Variants in INPP4B observed in about 807,000 individuals in gnomAD.
The protein encoded by INPP4B is inositol polyphosphate 4-phosphatase type II.
In INPP4B, 55 loss-of-function variants were observed where a neutral mutation model predicts 122.5. The observed-to-expected ratio is 0.45, with a 90% CI of 0.36 to 0.56. INPP4B has a LOEUF of 0.56. INPP4B is among the 20% of genes least tolerant of loss of function. The probability of loss-of-function intolerance (pLI) is 0.00; values close to 1 mark genes in which losing one functional copy is unlikely to be tolerated. For missense variants in INPP4B, 1,000 were observed against 1,097.7 expected, an observed-to-expected ratio of 0.91 and a Z score of 1.26; for synonymous variants, 403 against 388.7, an observed-to-expected ratio of 1.04 and a Z score of -0.43.
intron 14 of INPP4B, among the ~76,000 whole-genome samples, chr4:142,198,416 C>T (rs1406787545): frequency 6.6e-6 from 1 of 151,772 alleles, no homozygotes; most frequent in Non-Finnish European, 1.5e-5. Flanking sequence ...CTTTCTCATC[C>T]TGGTATCATT....
chr4:142,275,767 CTA>C (rs1390651716), intron 9 of INPP4B, among the ~76,000 whole-genome samples: 1 of 151,668 alleles, frequency 6.6e-6, no homozygotes, highest in African/African-American at 2.4e-5. Context: ...AGCTTAAACT[CTA>C]GGGTTTATTT....
chr4:142,405,923 G>A (rs780734100), intron 5 of INPP4B, among the ~76,000 whole-genome samples: 7 of 152,058 alleles, frequency 4.6e-5, no homozygotes, highest in Non-Finnish European at 8.8e-5. Context: ...AAGCCTGGAG[G>A]AGATGGGTTA....
intron 2 of INPP4B, among the ~76,000 whole-genome samples, chr4:142,617,056 T>A (rs972170506): frequency 6.6e-6 from 1 of 152,026 alleles, no homozygotes; most frequent in African/African-American, 2.4e-5. Context: ...TCTATCCTTG[T>A]AAGAAAACTA....
intron 6 of INPP4B, 46 bp downstream of exon 6, chr4:142,405,158 CAA>C (rs1491555926): frequency 8.5e-6 from 7 of 819,666 alleles, no homozygotes; most frequent in Middle Eastern, 3.2e-4. Context: ...AGCGAGCCAG[CAA>C]GAGAGAGAGA....
At chr4:142,545,638 T>C (rs1369163796) in intron 2 of INPP4B, among the ~76,000 whole-genome samples, 2 of 150,766 alleles carry the variant, frequency 1.3e-5, no homozygotes, top group East Asian at 3.9e-4. Context: ...TTTCACATAC[T>C]ATTTTATCTA....
At chr4:142,057,408 C>T (rs186644831) in intron 25 of INPP4B, among the ~76,000 whole-genome samples, 7 of 151,836 alleles carry the variant, frequency 4.6e-5, no homozygotes, top group African/African-American at 4.8e-5. Flanking sequence ...TGATGGAATG[C>T]GAGAATAAAG....
At chr4:142,428,679 AG>A (rs1043838726) in intron 5 of INPP4B, among the ~76,000 whole-genome samples, 2 of 152,082 alleles carry the variant, frequency 1.3e-5, no homozygotes, top group Admixed American at 6.6e-5. Context: ...AACAAGTCAA[AG>A]CTTGATTGAA....
intron 10 of INPP4B, among the ~76,000 whole-genome samples, chr4:142,266,980 C>T (rs796159167): frequency 5.9e-5 from 9 of 152,052 alleles, no homozygotes; most frequent in African/African-American, 2.2e-4. Flanking sequence ...TAAAAAAATA[C>T]TTATAAGTAA....
In INPP4B at chr4:142,318,347, A is replaced by C. The variant is rs559959181; in HGVS notation, c.373-3585T>G. Among the ~76,000 whole-genome samples the C allele has an allele frequency of 4.6e-5, 7 of 152,236 alleles. No homozygotes were observed. The South Asian group carries it at 1.5e-3, about 32-fold the overall frequency. On this transcript the variant is annotated intron_variant, in intron 7 of 25. Coordinates refer to ENST00000262992, the MANE Select transcript of INPP4B (RefSeq NM_001101669.3). ...GAGAAGGAGGAATATGTCACTAAAA[A>C]ATACTAAGGCCTGAACTGATTTAGA...
intron 2 of INPP4B, among the ~76,000 whole-genome samples, chr4:142,612,136 T>A (rs1029803717): frequency 1.3e-5 from 2 of 152,028 alleles, no homozygotes; most frequent in Non-Finnish European, 2.9e-5. Context: ...GAGAAAAAAA[T>A]AGAGGAAGGA....
intron 2 of INPP4B, among the ~76,000 whole-genome samples, chr4:142,617,107 T>A (rs1580514187): frequency 6.6e-6 from 1 of 152,180 alleles, no homozygotes; most frequent in African/African-American, 2.4e-5. Context: ...AATAAAAATT[T>A]AAAAAATAAA....
chr4:142,611,389 G>A (rs1218825043), intron 2 of INPP4B, among the ~76,000 whole-genome samples: 1 of 152,014 alleles, frequency 6.6e-6, no homozygotes, highest in African/African-American at 2.4e-5. Context: ...ATATATGCTG[G>A]TATTTATAAG....
chr4:142,845,658 C>A (rs954844479), intron 1 of INPP4B, among the ~76,000 whole-genome samples: 1 of 152,114 alleles, frequency 6.6e-6, no homozygotes, highest in African/African-American at 2.4e-5. Flanking sequence ...AACAAGGCAA[C>A]CGGGACCACC....
intron 2 of INPP4B, among the ~76,000 whole-genome samples, chr4:142,506,536 C>T (rs763293520): frequency 6.6e-6 from 1 of 152,122 alleles, no homozygotes; most frequent in Non-Finnish European, 1.5e-5. Flanking sequence ...GCACATGGCA[C>T]CGTACCGACT....
At chr4:142,029,662 T>C (rs1738581782) in intron 25 of INPP4B, 4 of 985,492 alleles carry the variant, frequency 4.1e-6, no homozygotes, top group Admixed American at 6.1e-5. Flanking sequence ...AGCAAAGAAG[T>C]AAAACAGGTT....
chr4:142,670,498 G>T (rs1255623845), intron 2 of INPP4B, among the ~76,000 whole-genome samples: 1 of 151,986 alleles, frequency 6.6e-6, no homozygotes, highest in Non-Finnish European at 1.5e-5. Context: ...CATTTGTGAG[G>T]ACACAGATGA....
intron 7 of INPP4B, among the ~76,000 whole-genome samples, chr4:142,401,293 G>A (rs1443167463): frequency 6.6e-6 from 1 of 152,120 alleles, no homozygotes; most frequent in African/African-American, 2.4e-5. Context: ...CCGTGGGTGA[G>A]AGCTCTGGGC....
intron 11 of INPP4B, among the ~76,000 whole-genome samples, chr4:142,259,369 A>T (rs1032599819): frequency 2.7e-5 from 4 of 150,594 alleles, no homozygotes; most frequent in African/African-American, 7.3e-5. Context: ...ATAAATAAAT[A>T]AAAAAAAAGA....
chr4:142,696,188 C>A (rs1760997856), intron 2 of INPP4B, among the ~76,000 whole-genome samples: 1 of 152,146 alleles, frequency 6.6e-6, no homozygotes, highest in Non-Finnish European at 1.5e-5. Context: ...AAGGCACACT[C>A]TGATTCTAAA....
Sources: gnomAD v4.1 joint callset for allele counts (sites outside exome capture counted in the v4.1 genomes callset) on GRCh38, gnomAD v4.1.1 for gene constraint, MANE v1.5 for transcripts, NCBI Gene and HGNC (gene_info 2026-07-23, HGNC 2026-07-21) for gene names.